The following HTR2C variants were observed in gnomAD, a reference collection of about 807,000 sequenced individuals.
HTR2C encodes the protein 5-hydroxytryptamine receptor 2C.
Under a neutral mutation model 21.0 loss-of-function variants are expected in HTR2C, and 5 were observed. The ratio of observed to expected loss-of-function variants is 0.24; its 90% CI spans 0.12 to 0.50. The LOEUF is 0.50. HTR2C is among the 20% of genes least tolerant of loss of function. HTR2C has a pLI of 0.98. For synonymous variants in HTR2C, 150 were observed against 145.3 expected (o/e 1.03, Z -0.23); for missense variants, 271 against 371.2 (o/e 0.73, Z 2.22).
intron 5 of HTR2C, among the ~76,000 whole-genome samples, chrX:114,893,881 A>T (rs1556483392): frequency 8.9e-6 from 1 of 112,168 alleles, no homozygotes; most frequent in Non-Finnish European, 1.9e-5. Context: ...AAAAATCTTG[A>T]ACACTTTATA....
At chrX:114,828,722 T>C (rs1450575332) in intron 4 of HTR2C, among the ~76,000 whole-genome samples, 4 of 111,904 alleles carry the variant, frequency 3.6e-5, no homozygotes, top group Non-Finnish European at 7.5e-5. Flanking sequence ...ATTAAGTAGC[T>C]TTTCTACATT....
chrX:114,620,421 T>C (rs1182535331), intron 2 of HTR2C, among the ~76,000 whole-genome samples: 5 of 112,041 alleles, frequency 4.5e-5, no homozygotes, highest in African/African-American at 1.6e-4. Context: ...AAATGAGTTA[T>C]AGCATAATTT....
rs1435105399 is a variant in HTR2C, at chrX:114,602,618, T to A, written c.-146-11197T>A. ...GCTTGGCTGATTTGACTAATAAAAC[T>A]CATCTGTTATCAGACTGTATTGAGG... On this transcript the variant is annotated intron_variant, in intron 1 of 5. Transcript: ENST00000276198. 7.5e-5 allele frequency among the ~76,000 whole-genome samples: 6 copies of A among 79,642 alleles called. 1 individual carries two copies. The highest frequency in any genetic ancestry group is 1.5e-4 in the Non-Finnish European group (6 of 41,035). 69.2% of individuals were successfully genotyped at this position (79,642 alleles called of 115,157 possible).
intron 4 of HTR2C, among the ~76,000 whole-genome samples, chrX:114,774,298 T>C (rs782554118): frequency 2.7e-5 from 3 of 111,904 alleles, no homozygotes; most frequent in Non-Finnish European, 5.6e-5. Flanking sequence ...CATGTCTCCC[T>C]AGTCAATTGG....
intron 2 of HTR2C, among the ~76,000 whole-genome samples, chrX:114,618,063 A>G (rs946602008): frequency 8.9e-6 from 1 of 112,208 alleles, no homozygotes; most frequent in Non-Finnish European, 1.9e-5. Context: ...AATTTAAATG[A>G]TCCTTTATAA....
At chrX:114,702,052 G>C (rs1932532807) in intron 2 of HTR2C, among the ~76,000 whole-genome samples, 1 of 108,220 alleles carries the variant, frequency 9.2e-6, no homozygotes, top group African/African-American at 3.3e-5. Context: ...AAGAAATATG[G>C]GACTATGTGA....
At chrX:114,654,084 T>G (rs1300464459) in intron 2 of HTR2C, among the ~76,000 whole-genome samples, 1 of 109,977 alleles carries the variant, frequency 9.1e-6, no homozygotes, top group Non-Finnish European at 1.9e-5. Flanking sequence ...GACAGTAAAA[T>G]GGATTAGAAA....
chrX:114,834,059 TGA>T (rs1556462513), intron 4 of HTR2C, among the ~76,000 whole-genome samples: 1 of 111,267 alleles, frequency 9.0e-6, no homozygotes, highest in African/African-American at 3.3e-5. Context: ...CAGTGTGGTC[TGA>T]GAGATAGTTT....
At chrX:114,620,091 T>G in intron 2 of HTR2C, among the ~76,000 whole-genome samples, 1 of 111,820 alleles carries the variant, frequency 8.9e-6, no homozygotes, top group Non-Finnish European at 1.9e-5. Context: ...CAGCTGTAAA[T>G]ATTGCAGCCT....
At chrX:114,804,364 G>A (rs1037869987) in intron 4 of HTR2C, among the ~76,000 whole-genome samples, 14 of 111,727 alleles carry the variant, frequency 1.3e-4, no homozygotes, top group Non-Finnish European at 1.3e-4. Flanking sequence ...TCATAAGGTT[G>A]TTGAGATGAC....
At chrX:114,789,685 C>T (rs1556442989) in intron 4 of HTR2C, among the ~76,000 whole-genome samples, 1 of 111,280 alleles carries the variant, frequency 9.0e-6, no homozygotes, top group East Asian at 2.8e-4. Context: ...ATACCCACAA[C>T]TAAGGTCAAT....
chrX:114,594,488 G>A (rs782007860), intron 1 of HTR2C, among the ~76,000 whole-genome samples: 1 of 111,319 alleles, frequency 9.0e-6, no homozygotes, highest in East Asian at 2.8e-4. Flanking sequence ...TTTGGCAAAA[G>A]GCATTTTGAC....
intron 2 of HTR2C, among the ~76,000 whole-genome samples, chrX:114,680,935 A>C (rs1931726024): frequency 1.8e-5 from 2 of 111,388 alleles, no homozygotes; most frequent in South Asian, 7.5e-4. Flanking sequence ...CAAACCTAAC[A>C]CTTTCCACAG....
At chrX:114,663,431 G>A (rs1410061834) in intron 2 of HTR2C, among the ~76,000 whole-genome samples, 1 of 111,723 alleles carries the variant, frequency 9.0e-6, no homozygotes, top group Non-Finnish European at 1.9e-5. Flanking sequence ...CATGACTTAT[G>A]AAGCTTTGAG....
chrX:114,669,275 C>T (rs1375389745), intron 2 of HTR2C, among the ~76,000 whole-genome samples: 2 of 111,465 alleles, frequency 1.8e-5, no homozygotes, highest in Admixed American at 9.6e-5. Context: ...CACAATAATT[C>T]GCTGGTAATA....
intron 1 of HTR2C, among the ~76,000 whole-genome samples, chrX:114,593,463 G>GTT (rs1927711916): frequency 9.0e-6 from 1 of 111,247 alleles, no homozygotes. Flanking sequence ...GGTGTTAAAG[G>GTT]TTTTACATGC....
At position 114,909,299 on chromosome X, in the gene HTR2C, G is replaced by A. The variant is rs782202690; in HGVS notation, c.*1884G>A. On this transcript the variant is annotated 3_prime_UTR_variant, in exon 6 of 6. Transcript: ENST00000276198. ...AATTCTTACCGAAATGAAAATGGCT[G>A]AAGAAACACAGCATGCATTTAGCAT... 1.8e-5 allele frequency: 2 copies of A among 112,746 alleles called. No homozygotes were observed. The highest frequency in any genetic ancestry group is 6.4e-5 in the African/African-American group (2 of 31,056). The allele number at this position is 112,746 out of a possible 1,213,427, so 9.3% of individuals were successfully genotyped here. A position where few individuals can be genotyped will look rare whatever the true frequency, so the allele number is the denominator to read the frequency against.
chrX:114,713,874 A>T (rs1932933866), intron 2 of HTR2C, among the ~76,000 whole-genome samples: 1 of 111,240 alleles, frequency 9.0e-6, no homozygotes, highest in South Asian at 3.7e-4. Flanking sequence ...ACACAGACAC[A>T]CACATACACA....
intron 4 of HTR2C, among the ~76,000 whole-genome samples, chrX:114,814,054 T>A (rs1192798147): frequency 9.0e-6 from 1 of 111,052 alleles, no homozygotes; most frequent in Non-Finnish European, 1.9e-5. Context: ...CAGCTGGGTC[T>A]TTAATTATGG....
Sources: allele counts gnomAD v4.1 joint callset (sites outside exome capture counted in the v4.1 genomes callset), GRCh38; gene constraint gnomAD v4.1.1; transcripts MANE v1.5; gene names NCBI Gene and HGNC (gene_info 2026-07-23, HGNC 2026-07-21).